Variants in HERC1 observed in about 807,000 individuals in gnomAD.
The protein encoded by HERC1 is probable E3 ubiquitin-protein ligase HERC1.
A neutral mutation model predicts 554.3 loss-of-function variants in HERC1; 160 were observed. The observed-to-expected ratio is 0.29, with a 90% CI of 0.25 to 0.33. The LOEUF (loss-of-function observed/expected upper bound fraction) is 0.33. Ranked by LOEUF, HERC1 falls within the 10% of genes least tolerant of loss-of-function variation. HERC1 has a pLI of 1.00. For missense variants in HERC1, 4,919 were observed against 5,918.5 expected (o/e 0.83, Z 5.54); for synonymous variants, 2,175 against 2,131.7 (o/e 1.02, Z -0.56).
intron 52 of HERC1, among the ~76,000 whole-genome samples, chr15:63,651,978 G>A (rs1485483691): frequency 9.9e-5 from 15 of 152,170 alleles, no homozygotes; most frequent in Non-Finnish European, 1.9e-4. Flanking sequence ...AGAGGTTGTG[G>A]TGAGCTGAGA....
At chr15:63,819,758 A>C (rs552915109) in intron 1 of HERC1, among the ~76,000 whole-genome samples, 1 of 152,228 alleles carries the variant, frequency 6.6e-6, no homozygotes, top group East Asian at 1.9e-4. Flanking sequence ...ATCAGCCAAA[A>C]CTATGTCATT....
chr15:63,824,727 T>G (rs1003706459), intron 1 of HERC1, among the ~76,000 whole-genome samples: 1 of 151,748 alleles, frequency 6.6e-6, no homozygotes, highest in Admixed American at 6.6e-5. Flanking sequence ...TATAAAGAAA[T>G]TGTGATACAA....
intron 34 of HERC1, among the ~76,000 whole-genome samples, chr15:63,685,491 T>C (rs2071705545): frequency 6.6e-6 from 1 of 152,266 alleles, no homozygotes; most frequent in African/African-American, 2.4e-5. Flanking sequence ...TGGCCAGAGT[T>C]GTCCAGTGCT....
rs755893599 is a variant in HERC1 at position 63,626,097 on chromosome 15, G to A, written c.13163C>T (p.Ala4388Val). ...LPDTVPPQYG[A>V]LREVSIHTVR... ...CGTGTGAATGCTGACTTCTCTCAGCGCCCCATACTGGGGGGGCACTGTGTC... is the reference window on the plus strand; with the variant it reads ...CGTGTGAATGCTGACTTCTCTCAGCACCCCATACTGGGGGGGCACTGTGTC... Residue 4388 changes from alanine to valine, a missense_variant, in exon 71 of 78, where the codon GCG becomes GTG. By Grantham distance (64) the Ala-to-Val change is moderately conservative. This residue lies in a region of HERC1 where 410 missense variants were observed against 467.0 expected (regional missense o/e 0.88). Coordinates refer to ENST00000443617, the MANE Select transcript of HERC1 (RefSeq NM_003922.4). 8.7e-6 allele frequency: 14 copies of A among 1,613,630 alleles called. No individual in the cohort carries two copies. The highest frequency in any genetic ancestry group is 1.1e-5 in the Non-Finnish European group (13 of 1,179,788).
chr15:63,667,432 C>G (rs1282307621), intron 40 of HERC1, among the ~76,000 whole-genome samples: 1 of 151,570 alleles, frequency 6.6e-6, no homozygotes, highest in Non-Finnish European at 1.5e-5. Flanking sequence ...AAAAACAAAT[C>G]AAATGTCTAC....
At chr15:63,695,012 T>C (rs1340619444) in intron 27 of HERC1, 118 bp from the exon 28 acceptor site, 2 of 809,686 alleles carry the variant, frequency 2.5e-6, no homozygotes, top group Admixed American at 9.3e-5. Flanking sequence ...TTTTTAATTA[T>C]TTACTATATT....
chr15:63,744,192 CTCTCTG>C (rs1408430887), intron 12 of HERC1, among the ~76,000 whole-genome samples: 22 of 146,564 alleles, frequency 1.5e-4, no homozygotes, highest in African/African-American at 5.1e-5. Context: ...CTCTCTCTCT[CTCTCTG>C]TCTCTCCTCA....
chr15:63,786,372 C>T (rs944135011), intron 1 of HERC1, among the ~76,000 whole-genome samples: 2 of 151,884 alleles, frequency 1.3e-5, no homozygotes, highest in Non-Finnish European at 1.5e-5. Flanking sequence ...AACAGAGTTT[C>T]CTTATGGCCC....
At chr15:63,712,343 T>C (rs2052015778) in intron 24 of HERC1, among the ~76,000 whole-genome samples, 1 of 152,086 alleles carries the variant, frequency 6.6e-6, no homozygotes, top group Admixed American at 6.5e-5. Context: ...AAGACTTAAC[T>C]GGATTGGGAA....
chr15:63,636,686 T>G (rs937101240), intron 64 of HERC1, among the ~76,000 whole-genome samples: 3 of 152,224 alleles, frequency 2.0e-5, no homozygotes, highest in Non-Finnish European at 2.9e-5. Flanking sequence ...GTTACAGTCA[T>G]TAATGACTGG....
At chr15:63,623,522 T>C (rs971722601) in intron 73 of HERC1, among the ~76,000 whole-genome samples, 8 of 152,242 alleles carry the variant, frequency 5.3e-5, no homozygotes, top group African/African-American at 1.4e-4. Context: ...CTGATATTTA[T>C]GTAGTAAGGT....
At chr15:63,831,712 C>T (rs983461783) in intron 1 of HERC1, among the ~76,000 whole-genome samples, 1 of 151,990 alleles carries the variant, frequency 6.6e-6, no homozygotes, top group African/African-American at 2.4e-5. Flanking sequence ...ATGCTTGGAA[C>T]GTTGGAATTG....
intron 1 of HERC1, among the ~76,000 whole-genome samples, chr15:63,784,064 C>CAAA (rs35436692): frequency 0.029 from 3,642 of 126,058 alleles, 86 homozygotes; most frequent in African/African-American, 0.061. Flanking sequence ...GACTCTATCT[C>CAAA]AAAAAAAAAA....
intron 36 of HERC1, among the ~76,000 whole-genome samples, chr15:63,679,835 C>T (rs1025683562): frequency 1.3e-5 from 2 of 152,162 alleles, no homozygotes; most frequent in Admixed American, 6.5e-5. Context: ...TCTTGTAGTT[C>T]TTGTGACTGC....
intron 53 of HERC1, among the ~76,000 whole-genome samples, chr15:63,650,598 T>G (rs374843960): frequency 6.6e-6 from 1 of 151,988 alleles, no homozygotes; most frequent in Non-Finnish European, 1.5e-5. Context: ...TAACTATTAA[T>G]AGGGCAAAAT....
At chr15:63,807,416 G>C (rs545074008) in intron 1 of HERC1, among the ~76,000 whole-genome samples, 5 of 152,256 alleles carry the variant, frequency 3.3e-5, no homozygotes, top group African/African-American at 1.2e-4. Flanking sequence ...TACAGGTCCT[G>C]ACCACTAGCT....
chr15:63,640,508 T>C, intron 60 of HERC1, 63 bp from the exon 61 acceptor site: 3 of 1,287,742 alleles, frequency 2.3e-6, no homozygotes, highest in Non-Finnish European at 3.3e-6. Context: ...TAAATTAACC[T>C]ACCGTAGTCT....
intron 1 of HERC1, among the ~76,000 whole-genome samples, chr15:63,800,792 AG>A (rs2076956478): frequency 6.6e-6 from 1 of 152,216 alleles, no homozygotes; most frequent in South Asian, 2.1e-4. Context: ...ATTCGTAACA[AG>A]CCCCTTTCAA....
chr15:63,696,004 A>T (rs1381055037), intron 27 of HERC1, 120 bp downstream of exon 27: 4 of 706,104 alleles, frequency 5.7e-6, no homozygotes, highest in Non-Finnish European at 9.5e-6. Flanking sequence ...GAGCTATCTT[A>T]AAAAATTTAA....
Sources: allele counts gnomAD v4.1 joint callset (sites outside exome capture counted in the v4.1 genomes callset), GRCh38; gene constraint gnomAD v4.1.1; regional missense constraint gnomAD v4.1.1; transcripts MANE v1.5; gene names NCBI Gene and HGNC (gene_info 2026-07-23, HGNC 2026-07-21).